The following TANC2 variants were observed in gnomAD, a reference collection of about 807,000 sequenced individuals.
TANC2 encodes protein TANC2.
Under a neutral mutation model 210.5 loss-of-function variants are expected in TANC2, and 26 were observed. That is an observed-to-expected ratio of 0.12 (90% CI 0.09 to 0.17). The LOEUF is 0.17. Among genes scored for constraint, TANC2 ranks in the 10% least tolerant of loss-of-function variants. The pLI is 1.00. For missense variants in TANC2, 2,129 were observed against 2,608.9 expected, an observed-to-expected ratio of 0.82 and a Z score of 4.01; for synonymous variants, 931 against 967.1, an observed-to-expected ratio of 0.96 and a Z score of 0.69.
rs529966790 is a variant in TANC2 at position 63,198,948 on chromosome 17, T to C, written c.583-1823T>C. 1.1e-4 allele frequency among the ~76,000 whole-genome samples: 17 copies of C among 152,312 alleles called. No homozygotes were observed. In the South Asian group the frequency reaches 3.5e-3, roughly 32 times the overall value. ...GTTGTTAAGAAAAATTAGATTCTAA[T>C]ATTATTGATATGATTGAAAAGATTT... On this transcript the variant is annotated intron_variant, in intron 6 of 27. Transcript: ENST00000689528.
At chr17:63,242,956 CT>C (rs1323513825) in intron 8 of TANC2, among the ~76,000 whole-genome samples, 4 of 152,180 alleles carry the variant, frequency 2.6e-5, no homozygotes, top group Non-Finnish European at 5.9e-5. Context: ...TAGATTGCCT[CT>C]GTTATACTGC....
intron 4 of TANC2, among the ~76,000 whole-genome samples, chr17:63,119,994 G>A (rs923097482): frequency 6.6e-6 from 1 of 151,600 alleles, no homozygotes; most frequent in Non-Finnish European, 1.5e-5. Flanking sequence ...TCACTCCACT[G>A]CACTCCAGAC....
chr17:63,297,244 G>T (rs562197437), intron 9 of TANC2, among the ~76,000 whole-genome samples: 4 of 152,224 alleles, frequency 2.6e-5, no homozygotes, highest in African/African-American at 9.6e-5. Flanking sequence ...ACTTGCAAGG[G>T]GCCCTGAATA....
intron 2 of TANC2, among the ~76,000 whole-genome samples, chr17:63,009,858 T>C (rs1007688027): frequency 6.6e-6 from 1 of 152,210 alleles, no homozygotes; most frequent in African/African-American, 2.4e-5. Context: ...ATTTCTAATA[T>C]ATTAGAGAGT....
intron 11 of TANC2, chr17:63,332,343 T>C: frequency 9.6e-6 from 3 of 311,278 alleles, no homozygotes; most frequent in Non-Finnish European, 1.9e-5. Flanking sequence ...CACTTCTTGA[T>C]TGGGTGAATT....
At chr17:63,370,046 CT>C (rs1163100936) in intron 14 of TANC2, among the ~76,000 whole-genome samples, 1 of 152,128 alleles carries the variant, frequency 6.6e-6, no homozygotes, top group Non-Finnish European at 1.5e-5. Flanking sequence ...CTCACCTAGC[CT>C]TTTGCTATAA....
chr17:63,333,604 C>T (rs777855242), intron 11 of TANC2, among the ~76,000 whole-genome samples: 9 of 152,166 alleles, frequency 5.9e-5, no homozygotes, highest in Non-Finnish European at 8.8e-5. Flanking sequence ...ACATATACTT[C>T]GTTGATAAAG....
chr17:63,217,183 T>A (rs564791713), intron 7 of TANC2, among the ~76,000 whole-genome samples: 4 of 152,146 alleles, frequency 2.6e-5, no homozygotes, highest in Non-Finnish European at 5.9e-5. Context: ...CAACCGAATG[T>A]AAGCAGAAGG....
chr17:63,410,173 C>A (rs1240725266), intron 21 of TANC2, among the ~76,000 whole-genome samples: 1 of 152,106 alleles, frequency 6.6e-6, no homozygotes, highest in African/African-American at 2.4e-5. Flanking sequence ...TTAAAATGTA[C>A]TTTCACAACA....
intron 4 of TANC2, among the ~76,000 whole-genome samples, chr17:63,126,292 G>C (rs1298723142): frequency 2.0e-5 from 3 of 152,176 alleles, no homozygotes; most frequent in Non-Finnish European, 4.4e-5. Flanking sequence ...CACTTACCTA[G>C]AGCTTCAATA....
chr17:62,984,771 A>G (rs1238235704), intron 1 of TANC2, among the ~76,000 whole-genome samples: 1 of 151,812 alleles, frequency 6.6e-6, no homozygotes, highest in Non-Finnish European at 1.5e-5. Context: ...ATAGTTTTGA[A>G]TGTTGCTCTT....
At chr17:63,070,732 A>T (rs1049567428) in intron 2 of TANC2, among the ~76,000 whole-genome samples, 10 of 152,242 alleles carry the variant, frequency 6.6e-5, no homozygotes, top group Non-Finnish European at 1.2e-4. Context: ...TGAAAATTTT[A>T]GTGTCCATAA....
intron 2 of TANC2, among the ~76,000 whole-genome samples, chr17:63,044,530 C>T (rs2035306490): frequency 6.6e-6 from 1 of 151,988 alleles, no homozygotes; most frequent in Admixed American, 6.6e-5. Flanking sequence ...ATTTTCTGGT[C>T]TTTTTTGTGT....
intron 2 of TANC2, among the ~76,000 whole-genome samples, chr17:63,046,615 C>T (rs932161252): frequency 1.3e-5 from 2 of 151,752 alleles, no homozygotes; most frequent in African/African-American, 2.4e-5. Flanking sequence ...CCACCACACC[C>T]GGCCTTTAAT....
chr17:63,162,915 G>A (rs1184449208), intron 5 of TANC2, among the ~76,000 whole-genome samples: 1 of 151,966 alleles, frequency 6.6e-6, no homozygotes, highest in African/African-American at 2.4e-5. Flanking sequence ...TTAATTTAAC[G>A]AGGGACTTGT....
chr17:63,397,280 A>C (rs146753080), intron 18 of TANC2, among the ~76,000 whole-genome samples: 1,524 of 151,918 alleles, frequency 0.01, 13 homozygotes, highest in Non-Finnish European at 0.013. Flanking sequence ...ATCTCAAAAA[A>C]AAACAAACAA....
At chr17:63,063,222 G>C (rs2036059953) in intron 2 of TANC2, among the ~76,000 whole-genome samples, 1 of 152,196 alleles carries the variant, frequency 6.6e-6, no homozygotes, top group Admixed American at 6.5e-5. Flanking sequence ...TGCCCCCTTG[G>C]GGGCACACCA....
In TANC2 at chr17:63,201,100, G is replaced by C. The variant is rs562846279; in HGVS notation, c.769+143G>C. 4.5e-6 allele frequency: 3 copies of C among 667,752 alleles called. No homozygotes were observed. In the Admixed American group the frequency reaches 9.8e-5, roughly 22 times the overall value. The allele number at this position is 667,752 out of a possible 1,614,324, so 41.4% of individuals were successfully genotyped here. On this transcript the variant is annotated intron_variant, in intron 7 of 27. Coordinates refer to ENST00000689528, the Ensembl canonical transcript of TANC2. Reference sequence around the variant, plus strand: ...TTTCCTGGTCTTTTTAATGATGCTGGAGAGAGAAACCTAAGGGTAAACAAA... The same window carrying C: ...TTTCCTGGTCTTTTTAATGATGCTGCAGAGAGAAACCTAAGGGTAAACAAA...
At chr17:63,011,164 A>G (rs766392779) in intron 2 of TANC2, among the ~76,000 whole-genome samples, 1 of 152,036 alleles carries the variant, frequency 6.6e-6, no homozygotes, top group Non-Finnish European at 1.5e-5. Flanking sequence ...CTGAAGACTC[A>G]GAAGTTTTAG....
Sources: gnomAD v4.1 joint callset for allele counts (sites outside exome capture counted in the v4.1 genomes callset) on GRCh38, gnomAD v4.1.1 for gene constraint, MANE v1.5 for transcripts, NCBI Gene and HGNC (gene_info 2026-07-23, HGNC 2026-07-21) for gene names.